The following MED12L variants were observed in gnomAD, a reference collection of about 807,000 sequenced individuals.
MED12L encodes the protein mediator of RNA polymerase II transcription subunit 12-like protein.
A neutral mutation model predicts 281.3 loss-of-function variants in MED12L; 60 were observed. The observed-to-expected ratio is 0.21, with a 90% CI of 0.17 to 0.26. The LOEUF (loss-of-function observed/expected upper bound fraction) is 0.26, where lower values mean the gene tolerates loss of function less well. Ranked by LOEUF, MED12L falls within the 10% of genes least tolerant of loss-of-function variation. MED12L has a pLI of 1.00. For synonymous variants in MED12L, 974 were observed against 987.2 expected (o/e 0.99, Z 0.25); for missense variants, 2,146 against 2,680.9 (o/e 0.80, Z 4.41).
intron 11 of MED12L, among the ~76,000 whole-genome samples, chr3:151,176,226 T>A (rs1426343661): frequency 6.6e-6 from 1 of 152,150 alleles, no homozygotes; most frequent in Non-Finnish European, 1.5e-5. Context: ...AGACTTTAGT[T>A]TGCTCAACTG....
intron 5 of MED12L, among the ~76,000 whole-genome samples, chr3:151,151,798 C>T (rs565366992): frequency 1.1e-4 from 16 of 152,186 alleles, no homozygotes; most frequent in African/African-American, 3.9e-4. Flanking sequence ...GAGGGAATTA[C>T]CAAAATGTAA....
Position 151,436,243 on chromosome 3 carries a change from A to ATATT in MED12L, c.*3443_*3446dup, listed in dbSNP as rs1195473187. On this transcript the variant is annotated 3_prime_UTR_variant, in exon 45 of 45. Transcript: ENST00000687756. ...AGCAAAAAAATTTATAAACCACAAA[A>ATATT]TATTTATACATCAGGATGGTAAATT... The ATATT allele has an allele frequency of 2.6e-5, 4 of 154,266 alleles. No individual in the cohort carries two copies. Among genetic ancestry groups the ATATT allele is most frequent in the African/African-American group, 9.7e-5 (4 of 41,424 alleles). 9.6% of individuals were successfully genotyped at this position (154,266 alleles called of 1,614,324 possible). A position where few individuals can be genotyped will look rare whatever the true frequency, so the allele number is the denominator to read the frequency against.
At chr3:151,378,258 T>A (rs924916916) in intron 31 of MED12L, 85 bp downstream of exon 31, 4 of 1,282,564 alleles carry the variant, frequency 3.1e-6, no homozygotes, top group Non-Finnish European at 4.2e-6. Flanking sequence ...GTGGTCACTG[T>A]ACCCACAGTC....
At chr3:151,205,393 A>C (rs988494500) in intron 16 of MED12L, among the ~76,000 whole-genome samples, 20 of 152,246 alleles carry the variant, frequency 1.3e-4, no homozygotes, top group Non-Finnish European at 8.8e-5. Flanking sequence ...TGAATTGAGA[A>C]AGAAAATATT....
At chr3:151,343,869 A>G (rs1402177162) in intron 16 of MED12L, among the ~76,000 whole-genome samples, 1 of 152,170 alleles carries the variant, frequency 6.6e-6, no homozygotes, top group Non-Finnish European at 1.5e-5. Context: ...AGGAGGATAG[A>G]GATATAATTA....
intron 16 of MED12L, chr3:151,300,050 C>G: frequency 6.4e-7 from 1 of 1,557,170 alleles, no homozygotes; most frequent in Non-Finnish European, 8.9e-7. Context: ...TTCTTTGTAT[C>G]TCTTACGACG....
rs148538586 is a variant in MED12L, at chr3:151,375,970, C to CATATATATATATATATATAT, written c.3865-45_3865-44insTATATATATATATATATATA. On this transcript the variant is annotated intron_variant, in intron 27 of 44. Transcript: ENST00000687756. ...TGCACTGTGGATTTAGTACATATTG[C>CATATATATATATATATATAT]ATATATATATACCGAAAGCCAGTGC... 1,189 of 811,956 alleles carry CATATATATATATATATATAT rather than the reference C, an allele frequency of 1.5e-3. 4 individuals are homozygous for CATATATATATATATATATAT. The highest frequency in any genetic ancestry group is 7.3e-3 in the East Asian group (253 of 34,788). The allele number at this position is 811,956 out of a possible 1,614,324, so 50.3% of individuals were successfully genotyped here. A position where few individuals can be genotyped will look rare whatever the true frequency, so the allele number is the denominator to read the frequency against.
chr3:151,210,665 T>G (rs910176296), intron 16 of MED12L, among the ~76,000 whole-genome samples: 13 of 152,268 alleles, frequency 8.5e-5, no homozygotes, highest in African/African-American at 3.1e-4. Flanking sequence ...TCTGTGAGAT[T>G]TCTGCATTCC....
intron 16 of MED12L, among the ~76,000 whole-genome samples, chr3:151,303,963 T>C (rs968702498): frequency 6.6e-6 from 1 of 152,142 alleles, no homozygotes; most frequent in African/African-American, 2.4e-5. Context: ...GAATTGTGAC[T>C]AGTTTTATCC....
intron 16 of MED12L, among the ~76,000 whole-genome samples, chr3:151,216,979 A>AC (rs968775596): frequency 3.9e-5 from 6 of 151,906 alleles, no homozygotes; most frequent in Admixed American, 3.9e-4. Flanking sequence ...AAGCCACACA[A>AC]CCCCCCAGCG....
At chr3:151,329,427 G>T in intron 16 of MED12L, 1 of 1,115,866 alleles carries the variant, frequency 9.0e-7, no homozygotes, top group Non-Finnish European at 1.3e-6. Flanking sequence ...TTTCCCTTAA[G>T]CATATTCTTT....
chr3:151,357,065 G>T (rs1754022302), intron 19 of MED12L, 148 bp from the exon 20 acceptor site: 1 of 651,984 alleles, frequency 1.5e-6, no homozygotes, highest in East Asian at 2.8e-5. Context: ...TCTATAAATT[G>T]GAAAAGGATT....
At chr3:151,380,551 C>T (rs1712087778) in intron 32 of MED12L, among the ~76,000 whole-genome samples, 1 of 148,462 alleles carries the variant, frequency 6.7e-6, no homozygotes, top group Non-Finnish European at 1.5e-5. Context: ...GAGCTGAGAT[C>T]GCGCCATTGC....
intron 2 of MED12L, among the ~76,000 whole-genome samples, chr3:151,100,272 C>T (rs775663762): frequency 9.2e-5 from 14 of 152,188 alleles, no homozygotes; most frequent in Non-Finnish European, 2.1e-4. Flanking sequence ...ATAACTCAGC[C>T]TTCAACCCAC....
intron 16 of MED12L, chr3:151,219,673 T>G (rs144187707): frequency 2.8e-4 from 43 of 152,352 alleles, no homozygotes; most frequent in African/African-American, 9.9e-4. Context: ...AACCAAAGAT[T>G]TAAGTGAGCA....
chr3:151,181,576 CTTTTTTTTTTTTT>C (rs57658133), intron 11 of MED12L, among the ~76,000 whole-genome samples: 16 of 47,078 alleles, frequency 3.4e-4, no homozygotes, highest in Non-Finnish European at 5.8e-4. Context: ...AGCTCATTGT[CTTTTTTTTTTTTT>C]TTTTTTTTTT....
chr3:151,253,595 T>A (rs1737245995), intron 16 of MED12L, among the ~76,000 whole-genome samples: 1 of 152,200 alleles, frequency 6.6e-6, no homozygotes, highest in Non-Finnish European at 1.5e-5. Flanking sequence ...AGGCCACCCC[T>A]CAGGCTTTGT....
intron 16 of MED12L, among the ~76,000 whole-genome samples, chr3:151,315,323 A>C (rs1440445015): frequency 6.6e-6 from 1 of 152,234 alleles, no homozygotes; most frequent in Non-Finnish European, 1.5e-5. Flanking sequence ...ACAACTCTAA[A>C]TAAGAACATT....
At chr3:151,284,245 C>T (rs1288259132) in intron 16 of MED12L, among the ~76,000 whole-genome samples, 1 of 151,754 alleles carries the variant, frequency 6.6e-6, no homozygotes, top group Non-Finnish European at 1.5e-5. Flanking sequence ...TAACTGAAAT[C>T]AAAGGAAGTG....
Sources: allele counts gnomAD v4.1 joint callset (sites outside exome capture counted in the v4.1 genomes callset), GRCh38; gene constraint gnomAD v4.1.1; transcripts MANE v1.5; gene names NCBI Gene and HGNC (gene_info 2026-07-23, HGNC 2026-07-21).